Variants in LRATD1 observed in about 807,000 individuals in gnomAD.
LRATD1 encodes protein LRATD1.
A neutral mutation model predicts 21.3 loss-of-function variants in LRATD1; 8 were observed. The observed-to-expected ratio is 0.38, with a 90% CI of 0.22 to 0.68. The LOEUF is 0.68. LRATD1 is among the 30% of genes least tolerant of loss of function. The pLI is 0.54. For missense variants in LRATD1, 380 were observed against 404.0 expected, an observed-to-expected ratio of 0.94 and a Z score of 0.51; for synonymous variants, 210 against 186.2, an observed-to-expected ratio of 1.13 and a Z score of -1.04.
rs1482284283 is a variant in LRATD1 at position 14,634,380 on chromosome 2, C to T, written c.401C>T (p.Ala134Val). ...CTGGAGCTGCTGTGGCTGCAGCCCGCGCCGGAGCCGCCCGCGCCCGCCCCG... is the reference window on the plus strand; with the variant it reads ...CTGGAGCTGCTGTGGCTGCAGCCCGTGCCGGAGCCGCCCGCGCCCGCCCCG... ...DLLELLWLQPAPEPPAPAPHW... is the reference protein window; with the variant it reads ...DLLELLWLQPVPEPPAPAPHW... Residue 134 changes from alanine to valine, a missense_variant, in exon 2 of 2, where the codon GCG becomes GTG. By Grantham distance (64) the Ala-to-Val change is moderately conservative. Transcript: ENST00000295092. 1.3e-6 allele frequency: 2 copies of T among 1,548,928 alleles called. No homozygotes were observed. Among genetic ancestry groups the T allele is most frequent in the Non-Finnish European group, 1.7e-6 (2 of 1,150,004 alleles).
chr2:14,633,850 G>A lies in LRATD1; in HGVS notation c.-36-94G>A. On this transcript the variant is annotated intron_variant, in intron 1 of 1. Coordinates refer to ENST00000295092, the MANE Select transcript of LRATD1 (RefSeq NM_145175.4). The surrounding 1 kb of genome is among the most constrained non-coding windows in gnomAD (Gnocchi z 7.5). ...TCCGGTGAGGGCACGTAAGCTAGCC[G>A]GCAGGTCCCAGGGGCACTGCACGTC... 2.5e-6 allele frequency: 3 copies of A among 1,222,000 alleles called. No individual in the cohort carries two copies. The highest frequency in any genetic ancestry group is 3.4e-6 in the Non-Finnish European group (3 of 885,716). The allele number at this position is 1,222,000 out of a possible 1,614,324, so 75.7% of individuals were successfully genotyped here.
chr2:14,651,729 G>A (rs529757417), downstream of LRATD1, among the ~76,000 whole-genome samples: 26 of 151,960 alleles, frequency 1.7e-4, no homozygotes, highest in South Asian at 5.2e-3. Flanking sequence ...TTATCTGATA[G>A]GGTTTTCATT....
chr2:14,643,029 A>C (rs1016568834), downstream of LRATD1, among the ~76,000 whole-genome samples: 3 of 152,200 alleles, frequency 2.0e-5, no homozygotes, highest in Admixed American at 2.0e-4. Context: ...AAGTGTCAAA[A>C]TTCTAGAGAG....
rs771233744 is a variant in LRATD1 at position 14,634,414 on chromosome 2, C to A, written c.435C>A (p.Ala145=). The change falls in exon 2 of 2, where the codon GCC becomes GCA. Residue 145 remains alanine (A), a synonymous_variant. Coordinates refer to ENST00000295092, the MANE Select transcript of LRATD1 (RefSeq NM_145175.4). The part of the protein sequence containing the change: ...PEPPAPAPHW[A]VYVGGGQIIH... ...CGCCCGCGCCCGCCCCGCACTGGGC[C>A]GTCTACGTGGGCGGCGGGCAGATCA... 2.6e-6 allele frequency: 4 copies of A among 1,525,078 alleles called. No homozygotes were observed. Among genetic ancestry groups the A allele is most frequent in the Admixed American group, 2.1e-5 (1 of 46,862 alleles). 94.5% of individuals were successfully genotyped at this position (1,525,078 alleles called of 1,614,324 possible). A position where few individuals can be genotyped will look rare whatever the true frequency, so the allele number is the denominator to read the frequency against.
At chr2:14,651,097 A>G (rs1471893598), downstream of LRATD1, among the ~76,000 whole-genome samples, 3 of 152,070 alleles carry the variant, frequency 2.0e-5, no homozygotes, top group Non-Finnish European at 2.9e-5. Flanking sequence ...TGCTTAATAT[A>G]TATCTCTTTA....
In LRATD1 at chr2:14,639,801, C is replaced by G. The variant is rs895856968; in HGVS notation, c.*4943C>G. On this transcript the variant is annotated 3_prime_UTR_variant, in exon 2 of 2. Coordinates refer to ENST00000295092, the MANE Select transcript of LRATD1 (RefSeq NM_145175.4). ...ATAAATGTAAGACTATGGCAGCTGT[C>G]TAGTACAAGTGCTTCTCACTGATTC... 1 of 167,062 alleles carries G rather than the reference C, an allele frequency of 6.0e-6. No homozygotes were observed. Among genetic ancestry groups the G allele is most frequent in the Non-Finnish European group, 1.5e-5 (1 of 68,122 alleles). The allele number at this position is 167,062 out of a possible 1,614,324, so 10.3% of individuals were successfully genotyped here. A position where few individuals can be genotyped will look rare whatever the true frequency, so the allele number is the denominator to read the frequency against.
intron 4 of LRATD1, chr2:14,649,183 G>C (rs1671956692): frequency 2.3e-6 from 1 of 435,414 alleles, no homozygotes; most frequent in South Asian, 1.7e-5. Flanking sequence ...TAGAGCATGA[G>C]CATGTGTAGG....
chr2:14,641,508 T>G (rs1316316556), downstream of LRATD1, among the ~76,000 whole-genome samples: 1 of 152,106 alleles, frequency 6.6e-6, no homozygotes, highest in African/African-American at 2.4e-5. Context: ...GATTGTCACT[T>G]TACACCTGGC....
In LRATD1 at chr2:14,635,532, C is replaced by A; in HGVS notation, c.*674C>A. 1 of 471,206 alleles carries A rather than the reference C, an allele frequency of 2.1e-6. No homozygotes were observed. Among genetic ancestry groups the A allele is most frequent in the Non-Finnish European group, 4.4e-6 (1 of 227,070 alleles). The allele number at this position is 471,206 out of a possible 1,614,324, so 29.2% of individuals were successfully genotyped here. On this transcript the variant is annotated 3_prime_UTR_variant, in exon 2 of 2. Coordinates refer to ENST00000295092, the MANE Select transcript of LRATD1 (RefSeq NM_145175.4). ...AGCCAGACAGTGTTTGCCTCCGGTT[C>A]TTTCCACCGTGGGAAGCGAACGCCA... is the stretch of plus-strand genomic sequence containing the variant.
rs541640500 is a variant in LRATD1, at chr2:14,639,854, G to C, written c.*4996G>C. On this transcript the variant is annotated 3_prime_UTR_variant, in exon 2 of 2. Transcript: ENST00000295092. Reference sequence around the variant, plus strand: ...GGTTACCAGGAAAACCAGAAAGCCCGTCACTTGCCTTGCCTGCAAAGGCGA... The same window carrying C: ...GGTTACCAGGAAAACCAGAAAGCCCCTCACTTGCCTTGCCTGCAAAGGCGA... 6.0e-6 allele frequency: 1 copy of C among 167,110 alleles called. No homozygotes were observed. The highest frequency in any genetic ancestry group is 1.5e-5 in the Non-Finnish European group (1 of 68,124). 10.4% of individuals were successfully genotyped at this position (167,110 alleles called of 1,614,324 possible). A position where few individuals can be genotyped will look rare whatever the true frequency, so the allele number is the denominator to read the frequency against.
chr2:14,642,837 G>A (rs1343823283), downstream of LRATD1, among the ~76,000 whole-genome samples: 1 of 152,094 alleles, frequency 6.6e-6, no homozygotes, highest in Non-Finnish European at 1.5e-5. Context: ...CTTTTATATT[G>A]ATGTGTTCCT....
rs138671266 is a variant in LRATD1 at position 14,639,482 on chromosome 2, G to T, written c.*4624G>T. 6.0e-6 allele frequency: 1 copy of T among 166,732 alleles called. No individual in the cohort carries two copies. The highest frequency in any genetic ancestry group is 2.4e-5 in the African/African-American group (1 of 41,430). The allele number at this position is 166,732 out of a possible 1,614,324, so 10.3% of individuals were successfully genotyped here. On this transcript the variant is annotated 3_prime_UTR_variant, in exon 2 of 2. Transcript: ENST00000295092. Reference sequence around the variant, plus strand: ...ACTGAAGACACTAAAGAGAAGCTAAGATCCTATCTTTCAATCATTTAGTAA... The same window carrying T: ...ACTGAAGACACTAAAGAGAAGCTAATATCCTATCTTTCAATCATTTAGTAA...
At chr2:14,648,339 G>T (rs1041968628) in intron 4 of LRATD1, among the ~76,000 whole-genome samples, 3 of 151,946 alleles carry the variant, frequency 2.0e-5, no homozygotes, top group African/African-American at 7.3e-5. Context: ...AATTATATTT[G>T]TCAACATTTG....
chr2:14,635,453 T>C lies in LRATD1; in HGVS notation c.*595T>C, dbSNP rs1671666645. On this transcript the variant is annotated 3_prime_UTR_variant, in exon 2 of 2. Coordinates refer to ENST00000295092, the MANE Select transcript of LRATD1 (RefSeq NM_145175.4). The stretch of plus-strand genomic sequence containing the variant: ...GGTTATCCTGAGGCTGCCCGGGACT[T>C]TTCCAGCTCTCCAGCCCCAGGTCTC... 4.2e-6 allele frequency: 2 copies of C among 471,140 alleles called. No homozygotes were observed. The highest frequency in any genetic ancestry group is 8.8e-6 in the Non-Finnish European group (2 of 227,106). 29.2% of individuals were successfully genotyped at this position (471,140 alleles called of 1,614,324 possible).
At chr2:14,647,898 C>A (rs1344935669) in intron 4 of LRATD1, among the ~76,000 whole-genome samples, 6 of 152,118 alleles carry the variant, frequency 3.9e-5, no homozygotes, top group African/African-American at 1.4e-4. Flanking sequence ...AAAAATAGTA[C>A]CCACAGCTGT....
chr2:14,638,979 T>C lies in LRATD1; in HGVS notation c.*4121T>C, dbSNP rs1157017240. ...ATATACATATATGTACATGTATACA[T>C]ATACATACACACATATGTACATTTA... On this transcript the variant is annotated 3_prime_UTR_variant, in exon 2 of 2. Transcript: ENST00000295092. 1.2e-5 allele frequency: 2 copies of C among 166,834 alleles called. No homozygotes were observed. Among genetic ancestry groups the C allele is most frequent in the Admixed American group, 6.5e-5 (1 of 15,284 alleles). 10.3% of individuals were successfully genotyped at this position (166,834 alleles called of 1,614,324 possible).
downstream of LRATD1, among the ~76,000 whole-genome samples, chr2:14,644,400 T>C (rs926470808): frequency 5.9e-5 from 9 of 152,210 alleles, no homozygotes; most frequent in Admixed American, 2.0e-4. Flanking sequence ...AAATATACTT[T>C]CTTGTTATTT....
intron 2 of LRATD1, among the ~76,000 whole-genome samples, chr2:14,645,751 A>G (rs1050159739): frequency 1.3e-5 from 2 of 152,190 alleles, no homozygotes; most frequent in African/African-American, 4.8e-5. Context: ...TTTATTACTT[A>G]CAATAGTGTC....
In LRATD1 at chr2:14,634,588, G is replaced by C; in HGVS notation, c.609G>C (p.Lys203Asn). ...ACGCCTGCGGCCACCTGGGCCTCAAGAGCGAGGAGATCTGCTGGACGAACT... is the reference window on the plus strand; with the variant it reads ...ACGCCTGCGGCCACCTGGGCCTCAACAGCGAGGAGATCTGCTGGACGAACT... ...VQNACGHLGL[K>N]SEEICWTNSE... The change falls in exon 2 of 2, where the codon AAG (lysine) becomes AAC (asparagine). Residue 203 changes from lysine to asparagine, a missense_variant. Coordinates refer to ENST00000295092, the MANE Select transcript of LRATD1 (RefSeq NM_145175.4). 6.7e-7 allele frequency: 1 copy of C among 1,501,836 alleles called. No individual in the cohort carries two copies. Among genetic ancestry groups the C allele is most frequent in the Non-Finnish European group, 8.9e-7 (1 of 1,122,486 alleles). 93.0% of individuals were successfully genotyped at this position (1,501,836 alleles called of 1,614,324 possible). A position where few individuals can be genotyped will look rare whatever the true frequency, so the allele number is the denominator to read the frequency against.
Sources: gnomAD v4.1 joint callset for allele counts (sites outside exome capture counted in the v4.1 genomes callset) on GRCh38, gnomAD v4.1.1 for gene constraint, Gnocchi (gnomAD v3.1) non-coding constraint, MANE v1.5 for transcripts, NCBI Gene and HGNC (gene_info 2026-07-23, HGNC 2026-07-21) for gene names.